The following SEZ6L variants were observed in gnomAD, a reference collection of about 807,000 sequenced individuals.
SEZ6L encodes the protein seizure 6-like protein.
A neutral mutation model predicts 106.2 loss-of-function variants in SEZ6L; 37 were observed. The ratio of observed to expected loss-of-function variants is 0.35; its 90% CI spans 0.27 to 0.46. The LOEUF (loss-of-function observed/expected upper bound fraction) is 0.46. SEZ6L is among the 20% of genes least tolerant of loss of function. The probability of loss-of-function intolerance (pLI) is 1.00; values close to 1 mark genes in which losing one functional copy is unlikely to be tolerated. For missense variants in SEZ6L, 1,172 were observed against 1,332.8 expected, an observed-to-expected ratio of 0.88 and a Z score of 1.88; for synonymous variants, 541 against 570.4, an observed-to-expected ratio of 0.95 and a Z score of 0.73.
chr22:26,381,711 A>G lies in SEZ6L; in HGVS notation c.*1416A>G, dbSNP rs2084415618. The G allele has an allele frequency of 5.2e-6, 1 of 193,362 alleles. No individual in the cohort carries two copies. Among genetic ancestry groups the G allele is most frequent in the Non-Finnish European group, 1.1e-5 (1 of 91,308 alleles). The allele number at this position is 193,362 out of a possible 1,614,324, so 12.0% of individuals were successfully genotyped here. A position where few individuals can be genotyped will look rare whatever the true frequency, so the allele number is the denominator to read the frequency against. On this transcript the variant is annotated 3_prime_UTR_variant, in exon 17 of 17. Transcript: ENST00000248933. The stretch of plus-strand genomic sequence containing the variant: ...GGAAGATTCTTTTCTAAATACAGGT[A>G]TAAAGAGAAGGTGGAGGGTGCGGGT...
At chr22:26,339,682 G>A (rs5761484) in intron 9 of SEZ6L, among the ~76,000 whole-genome samples, 90,952 of 151,994 alleles carry the variant, frequency 0.6, 28,270 homozygotes, top group African/African-American at 0.76. Context: ...AATTTGCCCC[G>A]TGATAAATGG....
At chr22:26,179,563 G>C (rs1939248967) in intron 1 of SEZ6L, among the ~76,000 whole-genome samples, 2 of 152,204 alleles carry the variant, frequency 1.3e-5, no homozygotes, top group Non-Finnish European at 1.5e-5. Flanking sequence ...ATGTCCAGTT[G>C]CTTATAAGCT....
intron 1 of SEZ6L, among the ~76,000 whole-genome samples, chr22:26,193,389 A>T (rs1388158465): frequency 6.6e-6 from 1 of 152,200 alleles, no homozygotes; most frequent in African/African-American, 2.4e-5. Flanking sequence ...AGTGGAGGTA[A>T]CATACTCAAG....
At position 26,292,463 on chromosome 22, in the gene SEZ6L, C is replaced by A; in HGVS notation, c.152C>A (p.Ala51Asp). ...PLGPYLLPSG[A>D]PERGSPGKEH... ...GGTCCTTACCTCCTGCCCTCAGGAG[C>A]CCCGGAGAGAGGCAGTCCTGGCAAA... The change falls in exon 2 of 17, where the codon GCC (alanine) becomes GAC (aspartate). Residue 51 changes from alanine (A) to aspartate (D), a missense_variant. Ala to Asp is a moderately radical substitution (Grantham distance 126, BLOSUM62 -2). Transcript: ENST00000248933. The A allele has an allele frequency of 6.2e-7, 1 of 1,613,976 alleles. No individual in the cohort carries two copies. The highest frequency in any genetic ancestry group is 8.5e-7 in the Non-Finnish European group (1 of 1,179,944).
chr22:26,334,945 T>G (rs2082599208), intron 9 of SEZ6L, among the ~76,000 whole-genome samples: 1 of 152,194 alleles, frequency 6.6e-6, no homozygotes, highest in African/African-American at 2.4e-5. Flanking sequence ...GGAGTCAAAC[T>G]GCCATCCCGT....
chr22:26,169,978 C>T (rs1222337529), intron 1 of SEZ6L, among the ~76,000 whole-genome samples: 1 of 152,228 alleles, frequency 6.6e-6, no homozygotes, highest in East Asian at 1.9e-4. Context: ...CGGGCGCTTC[C>T]CTGCTTCGGC....
At chr22:26,364,022 C>T (rs1169321518) in intron 12 of SEZ6L, among the ~76,000 whole-genome samples, 1 of 152,036 alleles carries the variant, frequency 6.6e-6, no homozygotes, top group Admixed American at 6.5e-5. Context: ...TTGTTTAACG[C>T]ATATAGAGTT....
At chr22:26,240,639 T>C (rs1028480897) in intron 1 of SEZ6L, among the ~76,000 whole-genome samples, 2 of 152,194 alleles carry the variant, frequency 1.3e-5, no homozygotes, top group African/African-American at 4.8e-5. Flanking sequence ...GACTCAGCCT[T>C]CCACATGCAT....
chr22:26,366,868 A>G lies in SEZ6L; in HGVS notation c.2794+1302A>G, dbSNP rs187819765. Among the ~76,000 whole-genome samples, 14 of 152,002 alleles carry G rather than the reference A, an allele frequency of 9.2e-5. No individual in the cohort carries two copies. In the East Asian group the frequency reaches 2.7e-3, roughly 30 times the overall value. ...CTTGCTATGTTGGCCAGGCTGGCCT[A>G]GAACTCCTGACCTCAAGCGATCCTC... On this transcript the variant is annotated intron_variant, in intron 13 of 16. Transcript: ENST00000248933.
At chr22:26,358,615 G>A (rs181108695) in intron 12 of SEZ6L, among the ~76,000 whole-genome samples, 12 of 152,302 alleles carry the variant, frequency 7.9e-5, no homozygotes, top group Admixed American at 3.3e-4. Flanking sequence ...AAACAGAAAC[G>A]AGAGTGGGTT....
At chr22:26,289,981 C>G (rs1189524030) in intron 1 of SEZ6L, among the ~76,000 whole-genome samples, 1 of 152,220 alleles carries the variant, frequency 6.6e-6, no homozygotes, top group East Asian at 1.9e-4. Flanking sequence ...AGAGTAAAAA[C>G]CATGACGGCA....
intron 16 of SEZ6L, 88 bp from the exon 17 acceptor site, chr22:26,380,178 C>A: frequency 1.6e-6 from 2 of 1,266,290 alleles, no homozygotes; most frequent in Non-Finnish European, 2.3e-6. Context: ...AGGGCATGGA[C>A]ATACAGAGGT....
intron 1 of SEZ6L, among the ~76,000 whole-genome samples, chr22:26,261,083 T>C (rs1284528527): frequency 7.0e-6 from 1 of 143,558 alleles, no homozygotes; most frequent in Non-Finnish European, 1.6e-5. Context: ...TGGGATTATT[T>C]GTTTTTTTCT....
At chr22:26,180,980 C>T (rs1939349538) in intron 1 of SEZ6L, among the ~76,000 whole-genome samples, 1 of 152,138 alleles carries the variant, frequency 6.6e-6, no homozygotes, top group Non-Finnish European at 1.5e-5. Flanking sequence ...ACTGTGGATC[C>T]CCACTCTGCC....
At chr22:26,281,206 T>C (rs2080750686) in intron 1 of SEZ6L, among the ~76,000 whole-genome samples, 1 of 152,102 alleles carries the variant, frequency 6.6e-6, no homozygotes, top group African/African-American at 2.4e-5. Context: ...AGTGGCTTTA[T>C]AAGAAGCAGG....
At chr22:26,307,098 G>A (rs2081654702) in intron 6 of SEZ6L, among the ~76,000 whole-genome samples, 1 of 152,180 alleles carries the variant, frequency 6.6e-6, no homozygotes, top group African/African-American at 2.4e-5. Context: ...GGAAACCTCT[G>A]GGCAATGTGT....
At chr22:26,271,340 T>C (rs1271747224) in intron 1 of SEZ6L, among the ~76,000 whole-genome samples, 1 of 152,202 alleles carries the variant, frequency 6.6e-6, no homozygotes, top group Non-Finnish European at 1.5e-5. Context: ...AAAAGTACCA[T>C]ATCCTGCAAC....
intron 1 of SEZ6L, among the ~76,000 whole-genome samples, chr22:26,170,040 G>A (rs555000907): frequency 6.6e-6 from 1 of 152,246 alleles, no homozygotes; most frequent in East Asian, 1.9e-4. Flanking sequence ...CTCCTTTGCA[G>A]CCAAAGAGGT....
intron 1 of SEZ6L, among the ~76,000 whole-genome samples, chr22:26,178,977 G>A (rs1476287821): frequency 3.9e-5 from 6 of 152,258 alleles, no homozygotes; most frequent in African/African-American, 9.6e-5. Context: ...CCCCTCCCCC[G>A]ACACCAATGT....
Sources: gnomAD v4.1 joint callset for allele counts (sites outside exome capture counted in the v4.1 genomes callset) on GRCh38, gnomAD v4.1.1 for gene constraint, MANE v1.5 for transcripts, NCBI Gene and HGNC (gene_info 2026-07-23, HGNC 2026-07-21) for gene names.